Variants in STPG2 observed in about 807,000 individuals in gnomAD.
STPG2 encodes the protein sperm tail PG-rich repeat containing 2, also known as sperm-tail PG-rich repeat-containing protein 2.
In STPG2, 56 loss-of-function variants were observed where a neutral mutation model predicts 54.2. The observed-to-expected ratio is 1.03, with a 90% CI of 0.83 to 1.29. STPG2 has a LOEUF of 1.29. Among genes scored for constraint, STPG2 ranks in the 50% most tolerant of loss-of-function variants. STPG2 has a pLI of 0.00. For synonymous variants in STPG2, 200 were observed against 181.8 expected (o/e 1.10, Z -0.81); for missense variants, 596 against 544.9 (o/e 1.09, Z -0.93).
chr4:97,448,870 G>A (rs1729296270), intron 4 of STPG2, among the ~76,000 whole-genome samples: 1 of 152,016 alleles, frequency 6.6e-6, no homozygotes, highest in African/African-American at 2.4e-5. Context: ...AGAACAGTAT[G>A]CCTTAAAAAT....
intron 9 of STPG2, among the ~76,000 whole-genome samples, chr4:97,738,710 A>G (rs937790776): frequency 6.6e-6 from 1 of 152,158 alleles, no homozygotes; most frequent in Non-Finnish European, 1.5e-5. Flanking sequence ...AGATTCATAA[A>G]GCAAGTCCTG....
chr4:97,629,077 A>G (rs1721158202), intron 10 of STPG2, among the ~76,000 whole-genome samples: 2 of 151,974 alleles, frequency 1.3e-5, no homozygotes, highest in African/African-American at 4.8e-5. Flanking sequence ...TTAATTCAGT[A>G]GGTTAACTAC....
At chr4:97,731,717 C>T (rs1347368105) in intron 9 of STPG2, among the ~76,000 whole-genome samples, 1 of 152,172 alleles carries the variant, frequency 6.6e-6, no homozygotes, top group Non-Finnish European at 1.5e-5. Context: ...GGGGCACGTC[C>T]AGCTCCCACA....
intron 9 of STPG2, among the ~76,000 whole-genome samples, chr4:97,725,445 T>C (rs1330140004): frequency 6.6e-6 from 1 of 151,758 alleles, no homozygotes; most frequent in African/African-American, 2.4e-5. Flanking sequence ...TAGGAAAATA[T>C]AGAAAATATA....
At chr4:97,640,188 G>T (rs1365444829) in intron 10 of STPG2, among the ~76,000 whole-genome samples, 1 of 151,952 alleles carries the variant, frequency 6.6e-6, no homozygotes, top group Admixed American at 6.6e-5. Context: ...CTGAGTAAAT[G>T]AACACACTTC....
At chr4:98,065,856 C>T (rs943501002) in intron 5 of STPG2, among the ~76,000 whole-genome samples, 2 of 152,064 alleles carry the variant, frequency 1.3e-5, no homozygotes, top group African/African-American at 4.8e-5. Context: ...ATGGACTAAG[C>T]TCATTTCACT....
intron 8 of STPG2, among the ~76,000 whole-genome samples, chr4:97,874,888 G>A (rs542438720): frequency 3.9e-5 from 6 of 151,912 alleles, no homozygotes; most frequent in East Asian, 1.9e-4. Context: ...CGCCATATGA[G>A]GATACAGCAA....
chr4:97,986,346 T>C lies in STPG2; in HGVS notation c.613-5028A>G, dbSNP rs542028890. On this transcript the variant is annotated intron_variant, in intron 5 of 10. Transcript: ENST00000295268. ...AGGTTTGCTAGTATTATAATTGTCT[T>C]GCCTTACAAATATGTTAGATACCTT... is the stretch of plus-strand genomic sequence containing the variant. Among the ~76,000 whole-genome samples, 4 of 152,322 alleles carry C rather than the reference T, an allele frequency of 2.6e-5. No individual in the cohort carries two copies. The South Asian group carries it at 8.3e-4, about 32-fold the overall frequency.
At chr4:97,658,643 G>C (rs1417290699) in intron 10 of STPG2, among the ~76,000 whole-genome samples, 1 of 152,200 alleles carries the variant, frequency 6.6e-6, no homozygotes, top group Non-Finnish European at 1.5e-5. Context: ...GAGGCCAAGA[G>C]AGACTGGGTA....
intron 8 of STPG2, among the ~76,000 whole-genome samples, chr4:97,904,352 C>A (rs997567363): frequency 9.2e-5 from 14 of 152,210 alleles, no homozygotes; most frequent in East Asian, 3.8e-4. Flanking sequence ...TGACACCTCA[C>A]ACGGCTGGCC....
chr4:97,817,547 C>T (rs1384641062), intron 9 of STPG2, among the ~76,000 whole-genome samples: 1 of 151,880 alleles, frequency 6.6e-6, no homozygotes, highest in African/African-American at 2.4e-5. Flanking sequence ...TATAGTCTAT[C>T]ACAGTTTTTA....
chr4:97,752,494 T>C (rs1725608192), intron 9 of STPG2, among the ~76,000 whole-genome samples: 1 of 151,802 alleles, frequency 6.6e-6, no homozygotes, highest in Non-Finnish European at 1.5e-5. Flanking sequence ...GTGCCACTCA[T>C]ATAACTGTCC....
chr4:98,105,153 T>C (rs1371514938), intron 5 of STPG2, among the ~76,000 whole-genome samples: 1 of 152,248 alleles, frequency 6.6e-6, no homozygotes, highest in Non-Finnish European at 1.5e-5. Flanking sequence ...CCTGTTTTTG[T>C]CTATAAATTT....
chr4:97,952,047 T>C (rs557954225), intron 7 of STPG2, among the ~76,000 whole-genome samples: 3 of 152,186 alleles, frequency 2.0e-5, no homozygotes, highest in Admixed American at 2.0e-4. Context: ...GACCCATTGT[T>C]CCAGTATTCC....
At position 97,990,173 on chromosome 4, in the gene STPG2, T is replaced by C. The variant is rs571930041; in HGVS notation, c.613-8855A>G. On this transcript the variant is annotated intron_variant, in intron 5 of 10. Transcript: ENST00000295268. ...ATAAATGGACAAATGAAATCTTGAA[T>C]CCTTCAAGAAATACTTCCTTTTTCT... is the stretch of plus-strand genomic sequence containing the variant. Among the ~76,000 whole-genome samples the C allele has an allele frequency of 1.1e-4, 16 of 152,326 alleles. No individual in the cohort carries two copies. The East Asian group carries it at 2.5e-3, about 24-fold the overall frequency.
chr4:97,941,193 A>G (rs979246205), intron 8 of STPG2, among the ~76,000 whole-genome samples: 2 of 152,002 alleles, frequency 1.3e-5, no homozygotes, highest in Non-Finnish European at 1.5e-5. Flanking sequence ...TATATTTCTC[A>G]TCCCTTTGTG....
chr4:97,717,254 T>C (rs990547677), intron 9 of STPG2, among the ~76,000 whole-genome samples: 3 of 152,178 alleles, frequency 2.0e-5, no homozygotes, highest in Non-Finnish European at 4.4e-5. Context: ...CCCTTTAAAT[T>C]ATCTGTTCAA....
intron 9 of STPG2, among the ~76,000 whole-genome samples, chr4:97,811,348 CAT>C (rs887029092): frequency 2.6e-5 from 4 of 152,252 alleles, no homozygotes; most frequent in Non-Finnish European, 2.9e-5. Context: ...AATATCTACA[CAT>C]GTGTTGAATA....
At chr4:97,909,635 A>G (rs925844548) in intron 8 of STPG2, among the ~76,000 whole-genome samples, 2 of 152,214 alleles carry the variant, frequency 1.3e-5, no homozygotes, top group African/African-American at 4.8e-5. Context: ...CAACACATGC[A>G]AAAATAAATT....
Sources: gnomAD v4.1 joint callset for allele counts (sites outside exome capture counted in the v4.1 genomes callset) on GRCh38, gnomAD v4.1.1 for gene constraint, MANE v1.5 for transcripts, NCBI Gene and HGNC (gene_info 2026-07-23, HGNC 2026-07-21) for gene names.